Variants in CFAP74 observed in about 807,000 individuals in gnomAD.
The protein encoded by CFAP74 is cilia- and flagella-associated protein 74.
Under a neutral mutation model 188.9 loss-of-function variants are expected in CFAP74, and 124 were observed. The observed-to-expected ratio is 0.66, with a 90% CI of 0.57 to 0.76. The LOEUF (loss-of-function observed/expected upper bound fraction) is 0.76. Among genes scored for constraint, CFAP74 ranks in the 30% least tolerant of loss-of-function variants. CFAP74 has a pLI of 0.00. For synonymous variants in CFAP74, 956 were observed against 916.7 expected, an observed-to-expected ratio of 1.04 and a Z score of -0.77; for missense variants, 2,198 against 2,165.2, an observed-to-expected ratio of 1.02 and a Z score of -0.30.
chr1:1,946,551 T>C (rs557104755), intron 19 of CFAP74, 112 bp from the exon 20 acceptor site: 9 of 1,357,012 alleles, frequency 6.6e-6, no homozygotes, highest in Non-Finnish European at 8.8e-6. Flanking sequence ...AGGACCCGTG[T>C]CCCTGGGTGG....
At chr1:1,961,208 C>T (rs577161804) in intron 14 of CFAP74, among the ~76,000 whole-genome samples, 161 of 152,178 alleles carry the variant, frequency 1.1e-3, no homozygotes, top group Middle Eastern at 6.8e-3. Context: ...AGGGCAGAGC[C>T]GGAGAATGAA....
chr1:1,994,174 TAAAA>T (rs5772056), intron 1 of CFAP74, among the ~76,000 whole-genome samples: 14 of 114,750 alleles, frequency 1.2e-4, no homozygotes, highest in African/African-American at 3.6e-4. Context: ...CTAAAAGGGT[TAAAA>T]AAAAAAAAAA....
intron 33 of CFAP74, 58 bp downstream of exon 33, chr1:1,925,725 C>T: frequency 1.3e-6 from 2 of 1,566,508 alleles, no homozygotes; most frequent in Non-Finnish European, 1.7e-6. Context: ...TGAGTCCTGC[C>T]TGGTGGAAAC....
rs535799568 is a variant in CFAP74 at position 1,970,740 on chromosome 1, T to G, written c.965A>C (p.Lys322Thr). The G allele has an allele frequency of 3.1e-6, 5 of 1,614,180 alleles. No homozygotes were observed. The highest frequency in any genetic ancestry group is 1.1e-5 in the South Asian group (1 of 91,088). ...ATCCCTGCCCTGGGCCAGAATCGCC[T>G]TCTTCTCAGCCTGGACCCTCTGCTC... ...LAEQRVQAEK[K>T]AILAQGRDAF... Residue 322 changes from lysine to threonine, a missense_variant, in exon 10 of 39, where the codon AAG (lysine) becomes ACG (threonine). Physicochemically the swap from Lys to Thr is moderately conservative, Grantham distance 78. Coordinates refer to ENST00000682832, the MANE Select transcript of CFAP74 (RefSeq NM_001304360.2).
chr1:1,993,675 C>T (rs1266144196), intron 1 of CFAP74, among the ~76,000 whole-genome samples: 1 of 145,886 alleles, frequency 6.9e-6, no homozygotes, highest in African/African-American at 2.8e-5. Context: ...ATATACAAAA[C>T]AGCTGATGTC....
Position 1,970,762 on chromosome 1 carries a change from G to C in CFAP74, c.943C>G (p.Gln315Glu). The C allele has an allele frequency of 6.2e-7, 1 of 1,614,170 alleles. No individual in the cohort carries two copies. Among genetic ancestry groups the C allele is most frequent in the Non-Finnish European group, 8.5e-7 (1 of 1,180,010 alleles). ...WDRAKAELAE[Q>E]RVQAEKKAIL... ...GCCTTCTTCTCAGCCTGGACCCTCT[G>C]CTCCGCCAGCTCTGCCTTGGCACGG... The change falls in exon 10 of 39, where the codon CAG (glutamine) becomes GAG (glutamate). Residue 315 changes from glutamine to glutamate, a missense_variant. Physicochemically the swap from Gln to Glu is conservative, Grantham distance 29 (BLOSUM62 2). Coordinates refer to ENST00000682832, the MANE Select transcript of CFAP74 (RefSeq NM_001304360.2).
At position 1,947,116 on chromosome 1, in the gene CFAP74, C is replaced by T. The variant is rs961386300; in HGVS notation, c.2177-62G>A. 8.0e-6 allele frequency: 10 copies of T among 1,245,130 alleles called. No individual in the cohort carries two copies. In the African/African-American group the frequency reaches 1.5e-4, roughly 19 times the overall value. 77.1% of individuals were successfully genotyped at this position (1,245,130 alleles called of 1,614,324 possible). The stretch of plus-strand genomic sequence containing the variant: ...AGGGTGGAGGCAGTGTGGCCCAGGC[C>T]CCCTTGGGACGTGGTCACCACCTCC... On this transcript the variant is annotated intron_variant, in intron 18 of 38. Coordinates refer to ENST00000682832, the MANE Select transcript of CFAP74 (RefSeq NM_001304360.2).
At chr1:1,946,553 C>T (rs1057100916) in intron 19 of CFAP74, 114 bp from the exon 20 acceptor site, 3 of 1,331,984 alleles carry the variant, frequency 2.3e-6, no homozygotes, top group Non-Finnish European at 3.0e-6. Flanking sequence ...GACCCGTGTC[C>T]CTGGGTGGCC....
chr1:1,965,395 A>T (rs1333340579), intron 12 of CFAP74, among the ~76,000 whole-genome samples: 1 of 152,216 alleles, frequency 6.6e-6, no homozygotes, highest in African/African-American at 2.4e-5. Flanking sequence ...CAGATTGTTA[A>T]ATCAGGACAA....
intron 8 of CFAP74, 94 bp from the exon 9 acceptor site, chr1:1,972,176 G>T (rs1259497145): frequency 3.3e-6 from 3 of 913,788 alleles, no homozygotes; most frequent in African/African-American, 1.6e-5. Flanking sequence ...GACCTCCCAG[G>T]CTCAAGTGAT....
At chr1:1,926,010 C>A in intron 32 of CFAP74, 72 bp from the exon 33 acceptor site, 1 of 1,485,272 alleles carries the variant, frequency 6.7e-7, no homozygotes, top group Non-Finnish European at 9.0e-7. Flanking sequence ...GCCTCAGGGG[C>A]AGTGGGTTCT....
At chr1:1,928,964 T>G in intron 26 of CFAP74, 82 bp from the exon 27 acceptor site, 1 of 917,438 alleles carries the variant, frequency 1.1e-6, no homozygotes, top group Non-Finnish European at 1.7e-6. Context: ...TACCGTCCTC[T>G]GCCCGTGGAC....
rs181759423 is a variant in CFAP74, at chr1:1,975,690, C to T, written c.501-1492G>A. On this transcript the variant is annotated intron_variant, in intron 6 of 38. Coordinates refer to ENST00000682832, the MANE Select transcript of CFAP74 (RefSeq NM_001304360.2). This position sits in a 1 kb window ranked among gnomAD's most constrained non-coding sequence, Gnocchi z 4.5. ...TGCTCCCCAAGTCTGGGGGACTCCG[C>T]GGAGCTTCCACGGGCGGGTTATTTC... Among the ~76,000 whole-genome samples the T allele has an allele frequency of 1.3e-3, 202 of 152,284 alleles. No individual in the cohort carries two copies. The highest frequency in any genetic ancestry group is 4.5e-3 in the African/African-American group (187 of 41,550).
At chr1:1,946,568 G>T (rs1008512586) in intron 19 of CFAP74, 129 bp from the exon 20 acceptor site, 2 of 1,168,630 alleles carry the variant, frequency 1.7e-6, no homozygotes, top group African/African-American at 1.6e-5. Flanking sequence ...GTGGCCACTT[G>T]GCCACAGATG....
At position 1,946,930 on chromosome 1, in the gene CFAP74, G is replaced by A. The variant is rs919707311; in HGVS notation, c.2241+60C>T. The stretch of plus-strand genomic sequence containing the variant: ...AGTGGGTTGGGGTGCAGCTGGGGCT[G>A]GGGGAAGGTGGGCGGTGTCTTGGAT... On this transcript the variant is annotated intron_variant, in intron 19 of 38. Transcript: ENST00000682832. The A allele has an allele frequency of 2.4e-5, 32 of 1,321,736 alleles. No individual in the cohort carries two copies. In the African/African-American group the frequency reaches 3.2e-4, roughly 13 times the overall value. 81.9% of individuals were successfully genotyped at this position (1,321,736 alleles called of 1,614,324 possible).
rs997373053 is a variant in CFAP74, at chr1:1,992,005, A to C, written c.-19-1030T>G. Among the ~76,000 whole-genome samples, 225 of 150,330 alleles carry C rather than the reference A, an allele frequency of 1.5e-3. 1 individual carries two copies. The highest frequency in any genetic ancestry group is 4.8e-3 in the African/African-American group (192 of 40,318). ...CAGTGAGCCGAGATCGCGCCACTGC[A>C]CTCCAGCCTGGGTGACAGAGCGAGA... On this transcript the variant is annotated intron_variant, in intron 1 of 38. Transcript: ENST00000682832.
chr1:1,946,398 C>T lies in CFAP74; in HGVS notation c.2283G>A (p.Val761=), dbSNP rs1488969732. Residue 761 remains valine, a synonymous_variant, in exon 20 of 39, where the codon GTG becomes GTA. Coordinates refer to ENST00000682832, the MANE Select transcript of CFAP74 (RefSeq NM_001304360.2). ...GEIGPFSSIK[V]PIVFTPVVPG... is the part of the protein sequence containing the mutation. ...GGACGACCGGAGTGAAGACGATGGGCACCTTGATGGAGCTGAAGGGGCCAA... is the reference window on the plus strand; with the variant it reads ...GGACGACCGGAGTGAAGACGATGGGTACCTTGATGGAGCTGAAGGGGCCAA... 6.5e-7 allele frequency: 1 copy of T among 1,537,116 alleles called. No individual in the cohort carries two copies. Among genetic ancestry groups the T allele is most frequent in the South Asian group, 1.2e-5 (1 of 84,050 alleles).
At chr1:1,963,456 C>CAAAAAAA (rs772909618) in intron 14 of CFAP74, among the ~76,000 whole-genome samples, 7 of 32,882 alleles carry the variant, frequency 2.1e-4, no homozygotes, top group South Asian at 2.0e-3. Context: ...GACTCCATCT[C>CAAAAAAA]AAAAAAAAAA....
At chr1:1,982,359 G>A (rs901261737) in intron 6 of CFAP74, among the ~76,000 whole-genome samples, 6 of 150,298 alleles carry the variant, frequency 4.0e-5, no homozygotes, top group African/African-American at 9.9e-5. Flanking sequence ...GTGGTCACAC[G>A]CGGGGACATG....
Sources: gnomAD v4.1 joint callset for allele counts (sites outside exome capture counted in the v4.1 genomes callset) on GRCh38, gnomAD v4.1.1 for gene constraint, Gnocchi (gnomAD v3.1) non-coding constraint, MANE v1.5 for transcripts, NCBI Gene and HGNC (gene_info 2026-07-23, HGNC 2026-07-21) for gene names.